ADGRF1: variants seen among roughly 807,000 people sequenced by gnomAD.
The protein encoded by ADGRF1 is G protein-coupled receptor 110.
In ADGRF1, 85 loss-of-function variants were observed where a neutral mutation model predicts 87.2. The ratio of observed to expected loss-of-function variants is 0.97; its 90% CI spans 0.82 to 1.17. The LOEUF (loss-of-function observed/expected upper bound fraction) is 1.17, where lower values mean the gene tolerates loss of function less well. Among genes scored for constraint, ADGRF1 ranks in the 50% most tolerant of loss-of-function variants. The probability of loss-of-function intolerance (pLI) is 0.00; values close to 1 mark genes in which losing one functional copy is unlikely to be tolerated. For missense variants in ADGRF1, 1,169 were observed against 1,077.2 expected (o/e 1.09, Z -1.19); for synonymous variants, 430 against 408.8 (o/e 1.05, Z -0.63).
At chr6:47,035,800 C>T (rs1780571818) in intron 1 of ADGRF1, among the ~76,000 whole-genome samples, 1 of 152,192 alleles carries the variant, frequency 6.6e-6, no homozygotes, top group Admixed American at 6.5e-5. Context: ...AACCTATCTT[C>T]CTGTTCCTGC....
chr6:47,025,142 C>A (rs1330061727), intron 4 of ADGRF1, among the ~76,000 whole-genome samples: 3 of 152,106 alleles, frequency 2.0e-5, no homozygotes, highest in Admixed American at 6.5e-5. Flanking sequence ...CCACCGAAGT[C>A]GTCTTTTTTT....
At chr6:47,024,933 A>T (rs1780181238) in intron 4 of ADGRF1, among the ~76,000 whole-genome samples, 1 of 152,198 alleles carries the variant, frequency 6.6e-6, no homozygotes, top group Non-Finnish European at 1.5e-5. Flanking sequence ...TTGTAACAGG[A>T]GAGTTGTTTA....
intron 1 of ADGRF1, among the ~76,000 whole-genome samples, chr6:47,037,713 A>G (rs1780628902): frequency 6.6e-6 from 1 of 152,106 alleles, no homozygotes; most frequent in Non-Finnish European, 1.5e-5. Context: ...TGGTCTTGAC[A>G]TATTGTTCAC....
chr6:47,001,012 A>T (rs1019563366), intron 14 of ADGRF1, among the ~76,000 whole-genome samples: 4 of 152,230 alleles, frequency 2.6e-5, no homozygotes, highest in African/African-American at 9.6e-5. Flanking sequence ...AGTGCATGTC[A>T]CAGGTGGAGG....
chr6:47,027,689 C>T lies in ADGRF1; in HGVS notation c.127+15G>A, dbSNP rs1459028158. On this transcript the variant is annotated intron_variant, in intron 3 of 14. Coordinates refer to ENST00000371253, the MANE Select transcript of ADGRF1 (RefSeq NM_153840.4). ...ACCAAAATCCACTGCACCATGCTGTCTAACAGAGCCTCACCTAGATGTTTT... is the reference window on the plus strand; with the variant it reads ...ACCAAAATCCACTGCACCATGCTGTTTAACAGAGCCTCACCTAGATGTTTT... The T allele has an allele frequency of 2.5e-6, 4 of 1,593,066 alleles. No homozygotes were observed. The highest frequency in any genetic ancestry group is 3.4e-6 in the Non-Finnish European group (4 of 1,161,506).
intron 13 of ADGRF1, chr6:47,001,927 A>G (rs1429711400): frequency 4.8e-6 from 1 of 209,390 alleles, no homozygotes; most frequent in Non-Finnish European, 9.7e-6. Flanking sequence ...GAGGAAAAAC[A>G]GTGCTCTGAC....
chr6:46,998,733 G>C lies in ADGRF1; in HGVS notation c.*1489C>G, dbSNP rs1779276568. On this transcript the variant is annotated 3_prime_UTR_variant, in exon 15 of 15. Transcript: ENST00000371253. ...TCTCTCACTTTTGTGGGTAGGTAGAGTGAGAAGGCTCATAGAGCAGTTTTC... is the reference window on the plus strand; with the variant it reads ...TCTCTCACTTTTGTGGGTAGGTAGACTGAGAAGGCTCATAGAGCAGTTTTC... 6.6e-6 allele frequency: 1 copy of C among 152,268 alleles called. No individual in the cohort carries two copies. The highest frequency in any genetic ancestry group is 2.4e-5 in the African/African-American group (1 of 41,476). The allele number at this position is 152,268 out of a possible 1,614,324, so 9.4% of individuals were successfully genotyped here. A position where few individuals can be genotyped will look rare whatever the true frequency, so the allele number is the denominator to read the frequency against.
At chr6:47,034,973 A>G (rs1780546626) in intron 1 of ADGRF1, among the ~76,000 whole-genome samples, 1 of 152,136 alleles carries the variant, frequency 6.6e-6, no homozygotes, top group African/African-American at 2.4e-5. Flanking sequence ...CTGTTTTTCT[A>G]TTTAGTCTGC....
chr6:47,010,840 T>G (rs1290626109), intron 10 of ADGRF1, among the ~76,000 whole-genome samples: 1 of 152,228 alleles, frequency 6.6e-6, no homozygotes, highest in African/African-American at 2.4e-5. Flanking sequence ...CAAAACAATT[T>G]TAAAGCCTGA....
intron 2 of ADGRF1, 108 bp downstream of exon 2, chr6:47,028,885 C>T (rs1780326001): frequency 2.4e-6 from 2 of 823,812 alleles, no homozygotes; most frequent in Admixed American, 1.8e-5. Flanking sequence ...ATCTCAAGTA[C>T]ATTAAATTAT....
rs764077319 is a variant in ADGRF1, at chr6:47,024,056, A to G, written c.439T>C (p.Cys147Arg). The G allele has an allele frequency of 1.9e-6, 3 of 1,613,730 alleles. No individual in the cohort carries two copies. In the East Asian group the frequency reaches 6.7e-5, roughly 36 times the overall value. The change falls in exon 5 of 15, where the codon TGT becomes CGT. Residue 147 changes from cysteine to arginine, a missense_variant. By Grantham distance (180) the Cys-to-Arg change is radical (BLOSUM62 -3). Transcript: ENST00000371253. ...LNNLSQSVNF[C>R]ERTKIWGTFK... ...CTTAGTTGCTTACTTGTTCTCTCAC[A>G]GAAATTGACACTCTGGCTGAGGTTG...
rs775668021 is a variant in ADGRF1, at chr6:47,005,862, C to T, written c.2547G>A (p.Leu849=). 1.9e-6 allele frequency: 3 copies of T among 1,611,298 alleles called. No individual in the cohort carries two copies. The highest frequency in any genetic ancestry group is 1.3e-5 in the African/African-American group (1 of 74,828). The change falls in exon 13 of 15, where the codon CTG becomes CTA. Residue 849 remains leucine (L), a synonymous_variant. Transcript: ENST00000371253. Reference sequence around the variant, plus strand: ...AACTTAAGGCAGACAACTTGTTGAACAGAAGTTGTCGCAGCTATAAGGGCA... The same window carrying T: ...AACTTAAGGCAGACAACTTGTTGAATAGAAGTTGTCGCAGCTATAAGGGCA... ...ILLDSKLRQL[L]FNKLSALSSW... is the part of the protein sequence containing the mutation.
intron 14 of ADGRF1, among the ~76,000 whole-genome samples, chr6:47,000,923 C>T (rs983932785): frequency 2.0e-5 from 3 of 152,236 alleles, no homozygotes; most frequent in Non-Finnish European, 4.4e-5. Context: ...GCTGTGGCTA[C>T]TTGCAATGTT....
chr6:47,016,789 G>A (rs1202054982), intron 7 of ADGRF1, 21 bp from the exon 8 acceptor site: 1 of 1,556,022 alleles, frequency 6.4e-7, no homozygotes, highest in Middle Eastern at 1.7e-4. Context: ...TATGGGGAAA[G>A]AGAAATGAGA....
chr6:47,005,172 C>T (rs528804262), intron 13 of ADGRF1, among the ~76,000 whole-genome samples: 1 of 152,254 alleles, frequency 6.6e-6, no homozygotes, highest in East Asian at 1.9e-4. Context: ...ATATTGAAAA[C>T]ACAAAATATG....
At chr6:47,014,598 C>A in intron 9 of ADGRF1, 83 bp downstream of exon 9, 2 of 1,548,616 alleles carry the variant, frequency 1.3e-6, no homozygotes, top group Middle Eastern at 1.7e-4. Context: ...GGTATACTTA[C>A]CCTCCACCTA....
rs554939313 is a variant in ADGRF1, at chr6:47,026,257, C to T, written c.128-254G>A. On this transcript the variant is annotated intron_variant, in intron 3 of 14. Coordinates refer to ENST00000371253, the MANE Select transcript of ADGRF1 (RefSeq NM_153840.4). ...CCAGCTGCCCCAGTGCTGTCTGTCC[C>T]TCCCCAGAATCACTCTCCCAATGTT... is the stretch of plus-strand genomic sequence containing the variant. 8.5e-5 allele frequency among the ~76,000 whole-genome samples: 13 copies of T among 152,238 alleles called. No homozygotes were observed. In the South Asian group the frequency reaches 2.7e-3, roughly 32 times the overall value.
At position 47,025,845 on chromosome 6, in the gene ADGRF1, C is replaced by A. The variant is rs564604453; in HGVS notation, c.277+9G>T. On this transcript the variant is annotated intron_variant, in intron 4 of 14. Coordinates refer to ENST00000371253, the MANE Select transcript of ADGRF1 (RefSeq NM_153840.4). ...CATTTATACATCCAGTCACCGAGAGCCACCTTACCTGTGGTAGCCTTTGCT... is the reference window on the plus strand; with the variant it reads ...CATTTATACATCCAGTCACCGAGAGACACCTTACCTGTGGTAGCCTTTGCT... The A allele has an allele frequency of 4.5e-6, 7 of 1,572,754 alleles. No homozygotes were observed. The highest frequency in any genetic ancestry group is 1.4e-5 in the African/African-American group (1 of 73,832).
At position 47,000,215 on chromosome 6, in the gene ADGRF1, C is replaced by T; in HGVS notation, c.*7G>A. ...GAAATTTTTTCTTGATTTTATGATT[C>T]CTTGCCTTATTCATTTGAGACAAAC... is the stretch of plus-strand genomic sequence containing the variant. On this transcript the variant is annotated 3_prime_UTR_variant, in exon 15 of 15. Transcript: ENST00000371253. 9 of 1,604,266 alleles carry T rather than the reference C, an allele frequency of 5.6e-6. No homozygotes were observed. The highest frequency in any genetic ancestry group is 6.8e-6 in the Non-Finnish European group (8 of 1,173,686).
Sources: allele counts gnomAD v4.1 joint callset (sites outside exome capture counted in the v4.1 genomes callset), GRCh38; gene constraint gnomAD v4.1.1; transcripts MANE v1.5; gene names NCBI Gene and HGNC (gene_info 2026-07-23, HGNC 2026-07-21).